Variants in UBE2E2 observed in about 807,000 individuals in gnomAD.
UBE2E2 encodes ubiquitin conjugating enzyme E2 E2.
A neutral mutation model predicts 24.7 loss-of-function variants in UBE2E2; 6 were observed. That is an observed-to-expected ratio of 0.24 (90% CI 0.13 to 0.48). The LOEUF (loss-of-function observed/expected upper bound fraction) is 0.48, where lower values mean the gene tolerates loss of function less well. Among genes scored for constraint, UBE2E2 ranks in the 20% least tolerant of loss-of-function variants. The probability of loss-of-function intolerance (pLI) is 0.99; values close to 1 mark genes in which losing one functional copy is unlikely to be tolerated. For missense variants in UBE2E2, 169 were observed against 245.0 expected (o/e 0.69, Z 2.07); for synonymous variants, 104 against 83.6 (o/e 1.24, Z -1.33).
intron 3 of UBE2E2, among the ~76,000 whole-genome samples, chr3:23,373,052 T>A (rs1458060784): frequency 5.9e-5 from 9 of 152,162 alleles, no homozygotes; most frequent in Admixed American, 4.6e-4. Context: ...AAAGCAGTCT[T>A]CTACAGCAGG....
chr3:23,549,453 A>G (rs1164352499), intron 5 of UBE2E2, among the ~76,000 whole-genome samples: 2 of 152,208 alleles, frequency 1.3e-5, no homozygotes, highest in African/African-American at 4.8e-5. Context: ...AAATTAAGTC[A>G]AAGGACCTAA....
intron 3 of UBE2E2, among the ~76,000 whole-genome samples, chr3:23,441,413 C>T: frequency 6.6e-6 from 1 of 150,852 alleles, no homozygotes; most frequent in Non-Finnish European, 1.5e-5. Flanking sequence ...GTGGCGGGCG[C>T]CTGTAGTCCC....
intron 3 of UBE2E2, among the ~76,000 whole-genome samples, chr3:23,244,690 A>C (rs1009252291): frequency 3.3e-5 from 5 of 152,164 alleles, no homozygotes; most frequent in African/African-American, 1.2e-4. Context: ...TTCAGATAAT[A>C]GGAATGAAAA....
At chr3:23,420,052 T>A (rs188043177) in intron 3 of UBE2E2, among the ~76,000 whole-genome samples, 1 of 152,312 alleles carries the variant, frequency 6.6e-6, no homozygotes, top group Non-Finnish European at 1.5e-5. Flanking sequence ...TTTGAATGGA[T>A]ACAGATGCCT....
intron 3 of UBE2E2, among the ~76,000 whole-genome samples, chr3:23,340,694 ATT>A (rs1448826253): frequency 6.6e-6 from 1 of 152,180 alleles, no homozygotes; most frequent in African/African-American, 2.4e-5. Flanking sequence ...TTAGAAATAA[ATT>A]TCCTGATGTA....
chr3:23,348,940 T>C (rs147213586), intron 3 of UBE2E2, among the ~76,000 whole-genome samples: 1 of 152,090 alleles, frequency 6.6e-6, no homozygotes, highest in Admixed American at 6.5e-5. Flanking sequence ...TTCTGCACAC[T>C]CCAGGGTAAT....
At chr3:23,340,920 C>T (rs888112617) in intron 3 of UBE2E2, among the ~76,000 whole-genome samples, 7 of 152,130 alleles carry the variant, frequency 4.6e-5, no homozygotes, top group African/African-American at 9.7e-5. Context: ...ACTTTGTTTT[C>T]GTACTCCCCC....
intron 3 of UBE2E2, among the ~76,000 whole-genome samples, chr3:23,266,746 T>C (rs1698060339): frequency 6.6e-6 from 1 of 152,114 alleles, no homozygotes; most frequent in African/African-American, 2.4e-5. Context: ...ATCAACAGAA[T>C]ATACATTCTT....
At chr3:23,207,224 A>G (rs1422173133) in intron 1 of UBE2E2, among the ~76,000 whole-genome samples, 2 of 152,176 alleles carry the variant, frequency 1.3e-5, no homozygotes, top group Admixed American at 6.5e-5. Flanking sequence ...AAACTCAGAA[A>G]TTGATTATGA....
At chr3:23,242,050 C>T (rs542192931) in intron 3 of UBE2E2, among the ~76,000 whole-genome samples, 10 of 152,156 alleles carry the variant, frequency 6.6e-5, no homozygotes, top group Middle Eastern at 3.2e-3. Context: ...GCTGAGACTA[C>T]AGGATTGGGC....
At chr3:23,376,820 G>A (rs1696533526) in intron 3 of UBE2E2, among the ~76,000 whole-genome samples, 1 of 152,162 alleles carries the variant, frequency 6.6e-6, no homozygotes, top group Non-Finnish European at 1.5e-5. Flanking sequence ...AGTTTTATAT[G>A]TATTTTGAAG....
chr3:23,542,908 T>C (rs1695425423), intron 5 of UBE2E2, among the ~76,000 whole-genome samples: 1 of 152,212 alleles, frequency 6.6e-6, no homozygotes, highest in South Asian at 2.1e-4. Flanking sequence ...TCCCTATGCA[T>C]ATTTTATTGT....
chr3:23,317,814 A>G (rs1425483815), intron 3 of UBE2E2, among the ~76,000 whole-genome samples: 2 of 152,050 alleles, frequency 1.3e-5, no homozygotes, highest in Non-Finnish European at 2.9e-5. Context: ...GACACAGCCA[A>G]ACCGTATCAG....
intron 3 of UBE2E2, among the ~76,000 whole-genome samples, chr3:23,401,582 TCTAA>T (rs1697224047): frequency 6.6e-6 from 1 of 152,264 alleles, no homozygotes; most frequent in South Asian, 2.1e-4. Context: ...GCTATATCGT[TCTAA>T]CTTTCTCCTC....
chr3:23,558,597 T>C (rs1695846158), intron 5 of UBE2E2, among the ~76,000 whole-genome samples: 1 of 152,170 alleles, frequency 6.6e-6, no homozygotes, highest in Non-Finnish European at 1.5e-5. Context: ...TTATAGAATC[T>C]TATTCTTACT....
chr3:23,576,427 A>G (rs1696348878), intron 5 of UBE2E2, among the ~76,000 whole-genome samples: 1 of 152,170 alleles, frequency 6.6e-6, no homozygotes, highest in African/African-American at 2.4e-5. Context: ...GTTTAAAAAA[A>G]CATAATTTTT....
intron 3 of UBE2E2, among the ~76,000 whole-genome samples, chr3:23,334,402 C>T (rs917902444): frequency 2.0e-5 from 3 of 152,052 alleles, no homozygotes; most frequent in Admixed American, 6.6e-5. Context: ...TGATGGGGCA[C>T]AGCCGTTGGT....
intron 3 of UBE2E2, among the ~76,000 whole-genome samples, chr3:23,354,384 A>C (rs1194714194): frequency 6.6e-6 from 1 of 152,192 alleles, no homozygotes; most frequent in African/African-American, 2.4e-5. Flanking sequence ...AAAATTGACA[A>C]ATGGGATCTA....
At chr3:23,481,264 A>T (rs1699253636) in intron 3 of UBE2E2, among the ~76,000 whole-genome samples, 1 of 152,220 alleles carries the variant, frequency 6.6e-6, no homozygotes, top group African/African-American at 2.4e-5. Flanking sequence ...TATCCTTTCA[A>T]ATGCTACTCT....
Sources: allele counts gnomAD v4.1 joint callset (sites outside exome capture counted in the v4.1 genomes callset), GRCh38; gene constraint gnomAD v4.1.1; transcripts MANE v1.5; gene names NCBI Gene and HGNC (gene_info 2026-07-23, HGNC 2026-07-21).